Variants in PITPNB observed in about 807,000 individuals in gnomAD.
PITPNB encodes the protein phosphatidylinositol transfer protein beta.
A neutral mutation model predicts 45.9 loss-of-function variants in PITPNB; 16 were observed. The observed-to-expected ratio is 0.35, with a 90% confidence interval of 0.24 to 0.53. The LOEUF is 0.53. Ranked by LOEUF, PITPNB falls within the 20% of genes least tolerant of loss-of-function variation. The pLI is 0.93. For missense variants in PITPNB, 188 were observed against 330.5 expected, an observed-to-expected ratio of 0.57 and a Z score of 3.34; for synonymous variants, 112 against 108.9, an observed-to-expected ratio of 1.03 and a Z score of -0.18.
At chr22:27,889,217 T>C (rs71325265) in intron 7 of PITPNB, among the ~76,000 whole-genome samples, 179 of 152,272 alleles carry the variant, frequency 1.2e-3, no homozygotes, top group Non-Finnish European at 2.0e-3. Flanking sequence ...TGAAGCACAG[T>C]CTAAATGCAA....
chr22:27,887,122 G>A (rs1229947351), intron 7 of PITPNB, among the ~76,000 whole-genome samples: 2 of 152,182 alleles, frequency 1.3e-5, no homozygotes, highest in Non-Finnish European at 2.9e-5. Context: ...TAAGACTATA[G>A]ACAGTGATTT....
At chr22:27,896,749 A>G in intron 5 of PITPNB, 123 bp from the exon 6 acceptor site, 1 of 653,314 alleles carries the variant, frequency 1.5e-6, no homozygotes, top group Non-Finnish European at 2.7e-6. Flanking sequence ...CTGATACTCA[A>G]GTGACAAAGA....
intron 3 of PITPNB, among the ~76,000 whole-genome samples, chr22:27,905,677 G>A (rs1461402170): frequency 6.6e-6 from 1 of 152,190 alleles, no homozygotes; most frequent in African/African-American, 2.4e-5. Context: ...GGGAAACAAG[G>A]TGGTTCTGGA....
intron 7 of PITPNB, among the ~76,000 whole-genome samples, chr22:27,893,817 C>T (rs1009394153): frequency 2.6e-5 from 4 of 152,014 alleles, no homozygotes; most frequent in South Asian, 2.1e-4. Flanking sequence ...TCTCAAGCTC[C>T]TGTGCTCAAG....
chr22:27,877,005 T>A (rs1280471700), intron 7 of PITPNB, among the ~76,000 whole-genome samples: 1 of 152,192 alleles, frequency 6.6e-6, no homozygotes, highest in Non-Finnish European at 1.5e-5. Context: ...CCTACTTGAG[T>A]CTTCAGCTCC....
At chr22:27,859,539 A>G (rs959489418) in intron 9 of PITPNB, among the ~76,000 whole-genome samples, 1 of 152,158 alleles carries the variant, frequency 6.6e-6, no homozygotes. Context: ...TAAAATTCCA[A>G]TTCTCCCCTC....
chr22:27,874,648 C>G (rs1934767869), intron 7 of PITPNB, among the ~76,000 whole-genome samples: 1 of 152,250 alleles, frequency 6.6e-6, no homozygotes, highest in Non-Finnish European at 1.5e-5. Context: ...CACACTCTCT[C>G]TCTCTCCAGA....
intron 3 of PITPNB, among the ~76,000 whole-genome samples, chr22:27,902,408 A>C (rs1262815204): frequency 6.6e-6 from 1 of 152,182 alleles, no homozygotes; most frequent in Non-Finnish European, 1.5e-5. Flanking sequence ...TATTCTTTGG[A>C]TGATGGGAAG....
intron 7 of PITPNB, among the ~76,000 whole-genome samples, chr22:27,878,521 A>G (rs911898929): frequency 3.9e-5 from 6 of 152,234 alleles, no homozygotes; most frequent in Non-Finnish European, 7.3e-5. Flanking sequence ...ACATCTCCCC[A>G]GTGACTCCTC....
intron 7 of PITPNB, among the ~76,000 whole-genome samples, chr22:27,875,976 T>C (rs1286128619): frequency 1.3e-5 from 2 of 152,144 alleles, no homozygotes; most frequent in Non-Finnish European, 2.9e-5. Flanking sequence ...ACTTTTAAAA[T>C]GAATTTTAAA....
At chr22:27,889,059 T>C (rs1441217072) in intron 7 of PITPNB, among the ~76,000 whole-genome samples, 1 of 152,196 alleles carries the variant, frequency 6.6e-6, no homozygotes, top group African/African-American at 2.4e-5. Flanking sequence ...CAGAACTGTG[T>C]GTTCAAAGTA....
intron 7 of PITPNB, among the ~76,000 whole-genome samples, chr22:27,884,643 G>GA (rs747571671): frequency 9.9e-5 from 15 of 152,236 alleles, no homozygotes; most frequent in South Asian, 2.1e-4. Context: ...TCTCATTTAG[G>GA]AAAAATTTCA....
At chr22:27,882,762 C>T (rs926924915) in intron 7 of PITPNB, among the ~76,000 whole-genome samples, 1 of 152,172 alleles carries the variant, frequency 6.6e-6, no homozygotes, top group Non-Finnish European at 1.5e-5. Context: ...GAAAAATAAC[C>T]CTCTGGTGAA....
In PITPNB at chr22:27,866,640, T is replaced by A. The variant is rs1934493401; in HGVS notation, c.535-6399A>T. 2.0e-5 allele frequency among the ~76,000 whole-genome samples: 3 copies of A among 152,230 alleles called. No individual in the cohort carries two copies. In the South Asian group the frequency reaches 6.2e-4, roughly 31 times the overall value. On this transcript the variant is annotated intron_variant, in intron 8 of 11. Transcript: ENST00000335272. ...AGACTTGTCAAGTTTACACATACTT[T>A]TTCCTATTTAAAACTGTGTTGGGAT...
intron 3 of PITPNB, among the ~76,000 whole-genome samples, chr22:27,899,155 GA>G (rs1379434584): frequency 3.3e-5 from 5 of 152,170 alleles, no homozygotes; most frequent in Non-Finnish European, 7.3e-5. Flanking sequence ...TCAAATACTG[GA>G]ATGTGTTTAG....
intron 10 of PITPNB, among the ~76,000 whole-genome samples, chr22:27,857,021 A>G (rs1227759439): frequency 2.0e-5 from 3 of 152,192 alleles, no homozygotes; most frequent in African/African-American, 7.2e-5. Flanking sequence ...TTGCCTATTT[A>G]AGTGTTTTGC....
chr22:27,915,521 T>C (rs74364745), intron 1 of PITPNB, among the ~76,000 whole-genome samples: 1 of 152,110 alleles, frequency 6.6e-6, no homozygotes, highest in Admixed American at 6.5e-5. Flanking sequence ...CAAACATCTA[T>C]GTCTGAATGT....
intron 7 of PITPNB, among the ~76,000 whole-genome samples, chr22:27,879,351 T>G (rs1011574863): frequency 6.6e-6 from 1 of 152,144 alleles, no homozygotes; most frequent in Non-Finnish European, 1.5e-5. Context: ...GGAAACCAAA[T>G]AGCTGTGCTC....
chr22:27,905,571 A>C (rs1255637639), intron 3 of PITPNB, among the ~76,000 whole-genome samples: 1 of 151,960 alleles, frequency 6.6e-6, no homozygotes, highest in Non-Finnish European at 1.5e-5. Context: ...CTGGCAAATG[A>C]CTCCTTTTGC....
Sources: allele counts gnomAD v4.1 joint callset (sites outside exome capture counted in the v4.1 genomes callset), GRCh38; gene constraint gnomAD v4.1.1; transcripts MANE v1.5; gene names NCBI Gene and HGNC (gene_info 2026-07-23, HGNC 2026-07-21).